The following CDC42BPA variants were observed in gnomAD, a reference collection of about 807,000 sequenced individuals.
CDC42BPA encodes the protein CDC42 binding protein kinase alpha, also known as serine/threonine-protein kinase MRCK alpha.
CDC42BPA carries 80 observed loss-of-function variants against 223.5 expected under a neutral mutation model. The observed-to-expected ratio is 0.36, with a 90% CI of 0.30 to 0.43. The LOEUF is 0.43. Ranked by LOEUF, CDC42BPA falls within the 20% of genes least tolerant of loss-of-function variation. The probability of loss-of-function intolerance (pLI) is 1.00; values close to 1 mark genes in which losing one functional copy is unlikely to be tolerated. For synonymous variants in CDC42BPA, 694 were observed against 718.6 expected (o/e 0.97, Z 0.55); for missense variants, 1,743 against 2,099.9 (o/e 0.83, Z 3.32).
chr1:227,279,934 T>C (rs772139114), intron 1 of CDC42BPA, among the ~76,000 whole-genome samples: 2 of 152,074 alleles, frequency 1.3e-5, no homozygotes, highest in Non-Finnish European at 2.9e-5. Flanking sequence ...GGTGTGTGCC[T>C]GTAATCCCAG....
In CDC42BPA at chr1:227,060,030, G is replaced by GTTTT. The variant is rs66527313; in HGVS notation, c.2905-8049_2905-8046dup. ...CAATTATCTCAAAAAGTTTTTTTTTGTTTTTTTTTTTTTTTTTTGAGACGG... is the reference window on the plus strand; with the variant it reads ...CAATTATCTCAAAAAGTTTTTTTTTGTTTTTTTTTTTTTTTTTTTTTTGAGACGG... On this transcript the variant is annotated intron_variant, in intron 21 of 36. Transcript: ENST00000366766. Among the ~76,000 whole-genome samples, 72 of 117,654 alleles carry GTTTT rather than the reference G, an allele frequency of 6.1e-4. 2 individuals are homozygous for GTTTT. Among genetic ancestry groups the GTTTT allele is most frequent in the Non-Finnish European group, 8.9e-4 (53 of 59,748 alleles). The allele number at this position is 117,654 out of a possible 152,430, so 77.2% of individuals were successfully genotyped here.
At chr1:227,127,664 T>G (rs935869417) in intron 11 of CDC42BPA, among the ~76,000 whole-genome samples, 1 of 152,174 alleles carries the variant, frequency 6.6e-6, no homozygotes, top group Non-Finnish European at 1.5e-5. Context: ...ACTTATCATG[T>G]TCCCAATCTA....
intron 6 of CDC42BPA, among the ~76,000 whole-genome samples, chr1:227,153,395 A>G (rs144074387): frequency 1.3e-3 from 203 of 152,126 alleles, no homozygotes; most frequent in Middle Eastern, 6.8e-3. Flanking sequence ...ACAAATAAAT[A>G]TAATACTATG....
At chr1:227,133,722 G>A (rs922676346) in intron 10 of CDC42BPA, among the ~76,000 whole-genome samples, 1 of 152,018 alleles carries the variant, frequency 6.6e-6, no homozygotes, top group African/African-American at 2.4e-5. Flanking sequence ...AATGGATTAA[G>A]GGCGGTGCAA....
intron 10 of CDC42BPA, among the ~76,000 whole-genome samples, chr1:227,131,507 T>C (rs987564562): frequency 2.0e-5 from 3 of 152,224 alleles, no homozygotes; most frequent in African/African-American, 7.2e-5. Flanking sequence ...TCTCTGGATA[T>C]GTGCAGATAT....
At chr1:227,120,939 A>G (rs12079759) in intron 11 of CDC42BPA, among the ~76,000 whole-genome samples, 2,424 of 152,258 alleles carry the variant, frequency 0.016, 64 homozygotes, top group African/African-American at 0.055. Flanking sequence ...TCAGATTCTC[A>G]TAAGAGGCAT....
At chr1:227,184,332 C>G (rs940470775) in intron 5 of CDC42BPA, among the ~76,000 whole-genome samples, 3 of 151,780 alleles carry the variant, frequency 2.0e-5, no homozygotes, top group African/African-American at 7.3e-5. Context: ...ACATTTAAAT[C>G]CATGACCCAT....
intron 5 of CDC42BPA, among the ~76,000 whole-genome samples, chr1:227,173,416 C>G (rs1054908658): frequency 6.6e-6 from 1 of 152,140 alleles, no homozygotes; most frequent in African/African-American, 2.4e-5. Flanking sequence ...GTGTCTTTGA[C>G]TACTAGACAA....
At chr1:227,185,503 T>C (rs1668622015) in intron 5 of CDC42BPA, among the ~76,000 whole-genome samples, 1 of 152,066 alleles carries the variant, frequency 6.6e-6, no homozygotes, top group South Asian at 2.1e-4. Flanking sequence ...GAGGGCCAGT[T>C]TTTTCGCCGG....
At chr1:227,223,272 G>T (rs1203583193) in intron 2 of CDC42BPA, among the ~76,000 whole-genome samples, 4 of 152,124 alleles carry the variant, frequency 2.6e-5, no homozygotes, top group African/African-American at 4.8e-5. Flanking sequence ...AAATATTTGT[G>T]GGGGAGAAGA....
intron 1 of CDC42BPA, among the ~76,000 whole-genome samples, chr1:227,285,319 T>C (rs908430012): frequency 1.3e-5 from 2 of 152,226 alleles, no homozygotes; most frequent in African/African-American, 4.8e-5. Flanking sequence ...GTAGCAATCA[T>C]ATATTTTTTG....
chr1:227,297,967 T>TACACACACACAC lies in CDC42BPA; in HGVS notation c.178+19026_178+19037dup, dbSNP rs1553440423. On this transcript the variant is annotated intron_variant, in intron 1 of 36. Transcript: ENST00000366766. ...GTGTGTGTGTGTGTATATATACATA[T>TACACACACACAC]ACACACACACACACATATATACATA... 3.8e-5 allele frequency among the ~76,000 whole-genome samples: 5 copies of TACACACACACAC among 132,082 alleles called. No individual in the cohort carries two copies. The East Asian group carries it at 6.3e-4, about 17-fold the overall frequency. The allele number at this position is 132,082 out of a possible 152,430, so 86.7% of individuals were successfully genotyped here.
rs569654248 is a variant in CDC42BPA, at chr1:227,132,929, G to A, written c.1391-3698C>T. ...CGACTGAGAGGTGAGGAGCCCCTCCGCCCGGCAGCCGCCCTGTCTGAGAAG... is the reference window on the plus strand; with the variant it reads ...CGACTGAGAGGTGAGGAGCCCCTCCACCCGGCAGCCGCCCTGTCTGAGAAG... On this transcript the variant is annotated intron_variant, in intron 10 of 36. Coordinates refer to ENST00000366766, the MANE Select transcript of CDC42BPA (RefSeq NM_001394014.1). 3.3e-5 allele frequency among the ~76,000 whole-genome samples: 5 copies of A among 150,548 alleles called. No individual in the cohort carries two copies. In the South Asian group the frequency reaches 8.4e-4, roughly 25 times the overall value.
chr1:227,166,589 A>AT (rs1175069792), intron 5 of CDC42BPA, among the ~76,000 whole-genome samples: 1 of 152,084 alleles, frequency 6.6e-6, no homozygotes, highest in Non-Finnish European at 1.5e-5. Context: ...CTTACCTATT[A>AT]TTTTCATTTA....
At chr1:227,020,947 A>G (rs1274301968) in intron 32 of CDC42BPA, among the ~76,000 whole-genome samples, 3 of 152,114 alleles carry the variant, frequency 2.0e-5, no homozygotes, top group Non-Finnish European at 4.4e-5. Flanking sequence ...CTATTTCACT[A>G]TTGTTGGTTC....
chr1:227,112,348 A>C lies in CDC42BPA; in HGVS notation c.1965T>G (p.Tyr655Ter), dbSNP rs1406532969. The C allele has an allele frequency of 6.2e-7, 1 of 1,605,330 alleles. No homozygotes were observed. Among genetic ancestry groups the C allele is most frequent in the Non-Finnish European group, 8.5e-7 (1 of 1,175,908 alleles). Residue 655 changes from tyrosine (Y) to a stop codon, truncating the protein, a stop_gained, in exon 14 of 37, where the codon TAT becomes TAG. Coordinates refer to ENST00000366766, the MANE Select transcript of CDC42BPA (RefSeq NM_001394014.1). LOFTEE classifies it high-confidence loss of function. Reference protein sequence around the residue: ...DRKLREQSEHYSKQLENELEG... With the variant: ...DRKLREQSEH ...CCAATTCATTTTCCAGTTGCTTAGA[A>C]TAGTGCTCACTCTGTTCACGTAGCT...
At chr1:227,129,601 A>T (rs2149507911) in intron 10 of CDC42BPA, among the ~76,000 whole-genome samples, 1 of 128,576 alleles carries the variant, frequency 7.8e-6, no homozygotes, top group East Asian at 2.6e-4. Context: ...CCGGAGGTTG[A>T]GGTGGTAGTG....
At chr1:227,268,638 T>C (rs1438188412) in intron 1 of CDC42BPA, among the ~76,000 whole-genome samples, 10 of 134,518 alleles carry the variant, frequency 7.4e-5, no homozygotes, top group Non-Finnish European at 1.1e-4. Context: ...TATGTGTATA[T>C]ATATAGTGTG....
At chr1:227,109,490 A>G (rs1213703322) in intron 14 of CDC42BPA, among the ~76,000 whole-genome samples, 1 of 151,952 alleles carries the variant, frequency 6.6e-6, no homozygotes, top group Non-Finnish European at 1.5e-5. Flanking sequence ...CTCAGCCACC[A>G]GAGTAGCTGG....
Sources: gnomAD v4.1 joint callset for allele counts (sites outside exome capture counted in the v4.1 genomes callset) on GRCh38, gnomAD v4.1.1 for gene constraint, MANE v1.5 for transcripts, NCBI Gene and HGNC (gene_info 2026-07-23, HGNC 2026-07-21) for gene names.